Variants in PDE4DIP observed in about 807,000 individuals in gnomAD.
The protein encoded by PDE4DIP is myomegalin.
A neutral mutation model predicts 221.4 loss-of-function variants in PDE4DIP; 59 were observed. The observed-to-expected ratio is 0.27, with a 90% confidence interval of 0.22 to 0.33. The LOEUF is 0.33. Ranked by LOEUF, PDE4DIP falls within the 10% of genes least tolerant of loss-of-function variation. The pLI, the probability that PDE4DIP is intolerant of heterozygous loss-of-function variation, is 1.00. For missense variants in PDE4DIP, 1,036 were observed against 2,154.2 expected (o/e 0.48, Z 10.28); for synonymous variants, 404 against 815.9 (o/e 0.50, Z 8.60).
At chr1:148,820,656 T>C (rs1260741469) in intron 1 of PDE4DIP, among the ~76,000 whole-genome samples, 2 of 149,074 alleles carry the variant, frequency 1.3e-5, no homozygotes, top group Non-Finnish European at 3.0e-5. Flanking sequence ...TGTTTTGGGT[T>C]TTTGACTGTG....
chr1:148,987,965 G>T (rs2062208667), intron 21 of PDE4DIP, among the ~76,000 whole-genome samples: 1 of 152,128 alleles, frequency 6.6e-6, no homozygotes, highest in Non-Finnish European at 1.5e-5. Context: ...GTGCATGTTG[G>T]AGTTTTAAGA....
chr1:148,824,546 C>T lies in PDE4DIP; in HGVS notation c.233+15809C>T, dbSNP rs1670179631. On this transcript the variant is annotated intron_variant, in intron 1 of 45. Transcript: ENST00000524974. Reference sequence around the variant, plus strand: ...ACAAGGGTTTGATGACCAGGGATCACTGGGGACCAACTTAGAGACTGCCTA... The same window carrying T: ...ACAAGGGTTTGATGACCAGGGATCATTGGGGACCAACTTAGAGACTGCCTA... Among the ~76,000 whole-genome samples, 4 of 97,426 alleles carry T rather than the reference C, an allele frequency of 4.1e-5. No individual in the cohort carries two copies. The Admixed American group carries it at 4.1e-4, about 10-fold the overall frequency. The allele number at this position is 97,426 out of a possible 152,430, so 63.9% of individuals were successfully genotyped here. A position where few individuals can be genotyped will look rare whatever the true frequency, so the allele number is the denominator to read the frequency against.
chr1:149,030,108 G>A, intron 42 of PDE4DIP, 124 bp from the exon 46 acceptor site: 1 of 915,660 alleles, frequency 1.1e-6, no homozygotes, highest in Non-Finnish European at 1.7e-6. Context: ...ACAGGGGGTG[G>A]ATAGAAGGAG....
At chr1:148,889,791 A>G (rs3010980) in exon 1 of PDE4DIP, 23 of 498,202 alleles carry the variant, frequency 4.6e-5, no homozygotes, top group Admixed American at 8.3e-5. Context: ...CAGCACCTCA[A>G]TGACCTGAAG....
At chr1:148,959,444 T>C (rs1249817180) in intron 5 of PDE4DIP, among the ~76,000 whole-genome samples, 2 of 152,166 alleles carry the variant, frequency 1.3e-5, no homozygotes, top group African/African-American at 4.8e-5. Context: ...GTAACTCCAC[T>C]GCCTTGAAAG....
chr1:149,032,077 A>G lies in PDE4DIP; in HGVS notation c.*92A>G, dbSNP rs368628283. ...GGGCCTGTCCCCCTTTTGTGCAGCTACCTATCTGCTGAGGAGCATCTGGGC... is the reference window on the plus strand; with the variant it reads ...GGGCCTGTCCCCCTTTTGTGCAGCTGCCTATCTGCTGAGGAGCATCTGGGC... On this transcript the variant is annotated 3_prime_UTR_variant, in exon 44 of 44. Coordinates refer to ENST00000369354, the Ensembl canonical transcript of PDE4DIP. 65 of 1,607,214 alleles carry G rather than the reference A, an allele frequency of 4.0e-5. No individual in the cohort carries two copies. In the African/African-American group the frequency reaches 7.0e-4, roughly 17 times the overall value.
chr1:148,924,605 G>T (rs2046291978), intron 1 of PDE4DIP, among the ~76,000 whole-genome samples: 1 of 149,870 alleles, frequency 6.7e-6, no homozygotes, highest in African/African-American at 2.4e-5. Context: ...CTCCAGTCCT[G>T]GGGAGAAGGA....
At chr1:148,933,107 T>C (rs587734234) in intron 4 of PDE4DIP, among the ~76,000 whole-genome samples, 12 of 152,310 alleles carry the variant, frequency 7.9e-5, no homozygotes, top group African/African-American at 2.9e-4. Context: ...TGTTTTGTTA[T>C]AGCAGCCCAA....
intron 1 of PDE4DIP, chr1:148,844,524 C>T (rs1248474701): frequency 2.8e-5 from 3 of 108,344 alleles, no homozygotes; most frequent in African/African-American, 1.0e-4. Context: ...GCTCTGAGTC[C>T]AGCCTCCTAC....
rs371359875 is a variant in PDE4DIP at position 148,964,073 on chromosome 1, TTCTC to T, written c.1195-1401_1195-1398del. ...GCGCCCGGCCTCTTTCTTTCCTTCT[TTCTC>T]TCTCTCTCTTTCTTTTCTTTTCTTT... On this transcript the variant is annotated intron_variant, in intron 9 of 43. Coordinates refer to ENST00000369354, the Ensembl canonical transcript of PDE4DIP. Among the ~76,000 whole-genome samples the T allele has an allele frequency of 6.2e-3, 925 of 150,016 alleles. 6 individuals are homozygous for T. Among genetic ancestry groups the T allele is most frequent in the African/African-American group, 0.021 (867 of 40,850 alleles).
chr1:148,978,043 A>G, exon 18 of PDE4DIP: 1 of 1,613,360 alleles, frequency 6.2e-7, no homozygotes, highest in Non-Finnish European at 8.5e-7. Context: ...ATTAAAGAAG[A>G]TCTCATAAAG....
intron 1 of PDE4DIP, among the ~76,000 whole-genome samples, chr1:148,815,382 C>CT (rs1488530048): frequency 1.4e-5 from 2 of 144,442 alleles, no homozygotes; most frequent in Non-Finnish European, 3.1e-5. Flanking sequence ...AACCCTGTCT[C>CT]TGTTAAAAAT....
exon 5 of PDE4DIP, chr1:148,937,800 A>G (rs1573824803): frequency 1.9e-6 from 2 of 1,075,564 alleles, no homozygotes; most frequent in Non-Finnish European, 2.8e-6. Context: ...CTTGTAGAAC[A>G]GCTATCTCGG....
intron 4 of PDE4DIP, among the ~76,000 whole-genome samples, chr1:148,934,304 A>AT (rs1180981235): frequency 2.0e-5 from 3 of 152,022 alleles, no homozygotes; most frequent in East Asian, 3.9e-4. Flanking sequence ...ACAGTGTCAT[A>AT]TTTGAACCCC....
chr1:148,917,917 G>A, intron 1 of PDE4DIP, among the ~76,000 whole-genome samples: 1 of 150,606 alleles, frequency 6.6e-6, no homozygotes, highest in East Asian at 2.0e-4. Context: ...AGGTTAAAAT[G>A]ATTTACCTCT....
At chr1:148,822,609 T>G (rs369747200) in intron 1 of PDE4DIP, among the ~76,000 whole-genome samples, 1,803 of 148,810 alleles carry the variant, frequency 0.012, 26 homozygotes, top group African/African-American at 0.043. Context: ...CCTAGGACAC[T>G]TTAACCTCTT....
chr1:148,986,108 A>G (rs2061864016), intron 21 of PDE4DIP: 1 of 152,136 alleles, frequency 6.6e-6, no homozygotes, highest in Non-Finnish European at 1.5e-5. Flanking sequence ...GTGATTCATA[A>G]CTTCACGCTT....
chr1:148,929,524 A>G, intron 2 of PDE4DIP: 1 of 428,358 alleles, frequency 2.3e-6, no homozygotes, highest in East Asian at 4.5e-5. Context: ...TCAGTCAGCA[A>G]TCAACTAAAT....
chr1:148,813,194 CA>C lies in PDE4DIP; in HGVS notation c.233+4459del, dbSNP rs1171174604. On this transcript the variant is annotated intron_variant, in intron 1 of 45. Transcript: ENST00000524974. ...GTTGTACCTTTTACATTCCCACTAG[CA>C]ATGTATGAAGGTTCTCATTTCTCCA... 2.8e-5 allele frequency among the ~76,000 whole-genome samples: 2 copies of C among 71,884 alleles called. 1 individual carries two copies. Among genetic ancestry groups the C allele is most frequent in the Non-Finnish European group, 6.5e-5 (2 of 30,654 alleles). 47.2% of individuals were successfully genotyped at this position (71,884 alleles called of 152,430 possible). A position where few individuals can be genotyped will look rare whatever the true frequency, so the allele number is the denominator to read the frequency against.
Sources: allele counts gnomAD v4.1 joint callset (sites outside exome capture counted in the v4.1 genomes callset), GRCh38; gene constraint gnomAD v4.1.1; transcripts MANE v1.5; gene names NCBI Gene and HGNC (gene_info 2026-07-23, HGNC 2026-07-21).